The following KCNMA1 variants were observed in gnomAD, a reference collection of about 807,000 sequenced individuals.
The protein encoded by KCNMA1 is Calcium-activated potassium channel subunit alpha-1.
KCNMA1 carries 29 observed loss-of-function variants against 140.0 expected under a neutral mutation model. The ratio of observed to expected loss-of-function variants is 0.21; its 90% CI spans 0.15 to 0.28. KCNMA1 has a LOEUF of 0.28. Among genes scored for constraint, KCNMA1 ranks in the 10% least tolerant of loss-of-function variants. The pLI, the probability that KCNMA1 is intolerant of heterozygous loss-of-function variation, is 1.00. For synonymous variants in KCNMA1, 612 were observed against 611.9 expected (o/e 1.00, Z 0.00); for missense variants, 880 against 1,602.2 (o/e 0.55, Z 7.70).
intron 1 of KCNMA1, among the ~76,000 whole-genome samples, chr10:77,453,070 T>C (rs1438446023): frequency 2.6e-5 from 4 of 152,298 alleles, no homozygotes; most frequent in East Asian, 1.9e-4. Context: ...CTCATTATCA[T>C]GCACCTTAGG....
At chr10:77,320,019 C>G (rs1385409222) in intron 2 of KCNMA1, among the ~76,000 whole-genome samples, 1 of 152,226 alleles carries the variant, frequency 6.6e-6, no homozygotes, top group Non-Finnish European at 1.5e-5. Context: ...TACAGTCAGA[C>G]TTTCACACTA....
intron 1 of KCNMA1, among the ~76,000 whole-genome samples, chr10:77,565,920 G>C (rs1023255921): frequency 1.3e-5 from 2 of 152,018 alleles, no homozygotes; most frequent in Admixed American, 1.3e-4. Flanking sequence ...TCTCACCAGG[G>C]ACACACAGAA....
intron 1 of KCNMA1, among the ~76,000 whole-genome samples, chr10:77,591,045 G>A (rs766578082): frequency 1.4e-4 from 21 of 152,056 alleles, no homozygotes; most frequent in Non-Finnish European, 2.6e-4. Flanking sequence ...AGCAGACAGC[G>A]AGCAAGGCCC....
chr10:77,008,580 G>A (rs574763112), intron 18 of KCNMA1, among the ~76,000 whole-genome samples: 3 of 152,298 alleles, frequency 2.0e-5, no homozygotes, highest in Non-Finnish European at 2.9e-5. Flanking sequence ...ATATTTCTCC[G>A]GATGAGATGA....
At chr10:77,354,725 A>C (rs2093310655) in intron 2 of KCNMA1, 1 of 152,214 alleles carries the variant, frequency 6.6e-6, no homozygotes, top group Non-Finnish European at 1.5e-5. Flanking sequence ...GTTTGTCCAG[A>C]GTACTAACTA....
chr10:77,439,092 G>A (rs200887723), intron 1 of KCNMA1, among the ~76,000 whole-genome samples: 9 of 70,866 alleles, frequency 1.3e-4, no homozygotes, highest in Admixed American at 3.6e-4. Flanking sequence ...AAAGAAAAGA[G>A]AAGAGAAGAG....
At position 77,127,071 on chromosome 10, in the gene KCNMA1, AACACAC is replaced by A. The variant is rs60249347; in HGVS notation, c.809-6029_809-6024del. Among the ~76,000 whole-genome samples, 1,440 of 146,442 alleles carry A rather than the reference AACACAC, an allele frequency of 9.8e-3. 17 individuals are homozygous for A. The highest frequency in any genetic ancestry group is 0.029 in the African/African-American group (1,156 of 39,552). On this transcript the variant is annotated intron_variant, in intron 5 of 27. Transcript: ENST00000286628. ...TAGAAAGCCCAGAAACACACACACA[AACACAC>A]ACACACACACACACACACACACACA...
chr10:77,251,486 T>C (rs559872302), intron 2 of KCNMA1, among the ~76,000 whole-genome samples: 4 of 152,298 alleles, frequency 2.6e-5, no homozygotes, highest in African/African-American at 9.6e-5. Context: ...TAGCCTTTTA[T>C]GTCTCAGGGC....
chr10:77,314,736 T>C (rs992134330), intron 2 of KCNMA1, among the ~76,000 whole-genome samples: 2 of 152,146 alleles, frequency 1.3e-5, no homozygotes, highest in Non-Finnish European at 2.9e-5. Context: ...ACCAACTCTC[T>C]TCCTAAAAGC....
At chr10:77,378,346 C>T (rs557134070) in intron 2 of KCNMA1, among the ~76,000 whole-genome samples, 2 of 152,332 alleles carry the variant, frequency 1.3e-5, no homozygotes, top group Non-Finnish European at 2.9e-5. Flanking sequence ...AGCAAAGGCT[C>T]AGCTAGGAAA....
At chr10:76,973,953 C>T (rs1446966626) in intron 19 of KCNMA1, 1 of 152,420 alleles carries the variant, frequency 6.6e-6, no homozygotes, top group East Asian at 1.9e-4. Flanking sequence ...CACATTCCCT[C>T]TGCCCTGTTT....
At chr10:77,512,260 T>C (rs1009335112) in intron 1 of KCNMA1, among the ~76,000 whole-genome samples, 4 of 152,186 alleles carry the variant, frequency 2.6e-5, no homozygotes, top group Non-Finnish European at 5.9e-5. Context: ...CCTGACTCCT[T>C]TTCCCTAATT....
intron 3 of KCNMA1, among the ~76,000 whole-genome samples, chr10:77,212,971 ATTC>A (rs763590108): frequency 1.3e-5 from 2 of 151,758 alleles, no homozygotes; most frequent in Non-Finnish European, 2.9e-5. Flanking sequence ...TATGTTTTCT[ATTC>A]TTATTTTTGG....
intron 1 of KCNMA1, chr10:77,634,897 T>C (rs977540961): frequency 6.5e-6 from 1 of 152,680 alleles, no homozygotes; most frequent in East Asian, 1.9e-4. Context: ...TATAATGAGC[T>C]GGCTACCTAT....
chr10:76,880,496 G>A (rs914434163), downstream of KCNMA1, among the ~76,000 whole-genome samples: 3 of 152,134 alleles, frequency 2.0e-5, no homozygotes, highest in Non-Finnish European at 4.4e-5. Context: ...TGGTTATGTA[G>A]GATGTTCAGG....
downstream of KCNMA1, chr10:76,884,128 G>T (rs11001918): frequency 6.0e-3 from 1,448 of 240,914 alleles, 19 homozygotes; most frequent in African/African-American, 0.031. Context: ...AACGCACTTC[G>T]GATTTACTTC....
chr10:77,295,642 G>A (rs1171898798), intron 2 of KCNMA1, among the ~76,000 whole-genome samples: 3 of 150,178 alleles, frequency 2.0e-5, no homozygotes, highest in Non-Finnish European at 4.4e-5. Flanking sequence ...TTAGCCGGGC[G>A]CGGTGGCGGG....
chr10:77,621,616 G>A (rs1050111947), intron 1 of KCNMA1, among the ~76,000 whole-genome samples: 6 of 152,164 alleles, frequency 3.9e-5, no homozygotes, highest in African/African-American at 7.2e-5. Flanking sequence ...TGTGTACAGT[G>A]TAAGTGTTAA....
At chr10:76,907,197 A>C (rs1412126333) in intron 25 of KCNMA1, among the ~76,000 whole-genome samples, 1 of 152,218 alleles carries the variant, frequency 6.6e-6, no homozygotes, top group African/African-American at 2.4e-5. Context: ...ATACTATTGC[A>C]TCCAAACATG....
Sources: allele counts gnomAD v4.1 joint callset (sites outside exome capture counted in the v4.1 genomes callset), GRCh38; gene constraint gnomAD v4.1.1; transcripts MANE v1.5; gene names NCBI Gene and HGNC (gene_info 2026-07-23, HGNC 2026-07-21).